Variants in CCSER1 observed in about 807,000 individuals in gnomAD.
CCSER1 encodes the protein serine-rich coiled-coil domain-containing protein 1.
A neutral mutation model predicts 82.0 loss-of-function variants in CCSER1; 41 were observed. That is an observed-to-expected ratio of 0.50 (90% CI 0.39 to 0.65). The LOEUF (loss-of-function observed/expected upper bound fraction) is 0.65. CCSER1 is among the 30% of genes least tolerant of loss of function. CCSER1 has a pLI of 0.00. For missense variants in CCSER1, 1,119 were observed against 1,064.2 expected (o/e 1.05, Z -0.72); for synonymous variants, 414 against 383.9 (o/e 1.08, Z -0.92).
intron 5 of CCSER1, among the ~76,000 whole-genome samples, chr4:90,486,329 A>T (rs2153601612): frequency 6.6e-6 from 1 of 152,330 alleles, no homozygotes; most frequent in East Asian, 1.9e-4. Context: ...GTTCCATTAA[A>T]GTCCTGACAT....
intron 1 of CCSER1, among the ~76,000 whole-genome samples, chr4:90,157,797 A>G (rs1484785355): frequency 6.6e-6 from 1 of 152,138 alleles, no homozygotes; most frequent in Non-Finnish European, 1.5e-5. Context: ...CGAAGTTTTT[A>G]ACTTCTTTGC....
chr4:90,999,609 T>G (rs1301197054), intron 9 of CCSER1, among the ~76,000 whole-genome samples: 1 of 152,016 alleles, frequency 6.6e-6, no homozygotes. Flanking sequence ...TGTTTAAGTT[T>G]CTTACAGATT....
intron 5 of CCSER1, among the ~76,000 whole-genome samples, chr4:90,474,159 A>T (rs1233500918): frequency 6.7e-6 from 1 of 148,766 alleles, no homozygotes; most frequent in East Asian, 2.0e-4. Context: ...AAAAAAATGC[A>T]AAAGTGTAGC....
At chr4:90,154,909 A>C (rs1578220180) in intron 1 of CCSER1, among the ~76,000 whole-genome samples, 1 of 152,008 alleles carries the variant, frequency 6.6e-6, no homozygotes, top group East Asian at 1.9e-4. Context: ...AGAACTTCCA[A>C]CACTATGTTG....
intron 10 of CCSER1, among the ~76,000 whole-genome samples, chr4:91,267,782 C>G (rs1741717321): frequency 6.6e-6 from 1 of 152,166 alleles, no homozygotes; most frequent in Non-Finnish European, 1.5e-5. Context: ...GAACTGATTG[C>G]CTTTGGCTGT....
chr4:91,458,667 T>A (rs1308858406), intron 10 of CCSER1, among the ~76,000 whole-genome samples: 1 of 152,204 alleles, frequency 6.6e-6, no homozygotes, highest in African/African-American at 2.4e-5. Flanking sequence ...TTCCATTTCT[T>A]GTCCTCTTCA....
chr4:90,544,061 C>T (rs78862967), intron 5 of CCSER1, among the ~76,000 whole-genome samples: 410 of 152,188 alleles, frequency 2.7e-3, no homozygotes, highest in African/African-American at 9.5e-3. Flanking sequence ...GTTCCCTGAG[C>T]CCCAATTCCC....
chr4:90,230,983 C>G (rs1239006015), intron 1 of CCSER1, among the ~76,000 whole-genome samples: 6 of 151,886 alleles, frequency 4.0e-5, no homozygotes, highest in Admixed American at 3.3e-4. Flanking sequence ...ATAAACAATA[C>G]CTTACCAACC....
intron 10 of CCSER1, among the ~76,000 whole-genome samples, chr4:91,472,296 T>C (rs537135078): frequency 6.6e-6 from 1 of 152,270 alleles, no homozygotes; most frequent in Non-Finnish European, 1.5e-5. Flanking sequence ...TGTAAAACAA[T>C]TAAAATTGTC....
chr4:90,183,669 T>C (rs1052505922), intron 1 of CCSER1, among the ~76,000 whole-genome samples: 1 of 152,172 alleles, frequency 6.6e-6, no homozygotes, highest in African/African-American at 2.4e-5. Flanking sequence ...TTGAGCTTTT[T>C]CTCTGACTAG....
At chr4:91,332,602 A>C (rs950536378) in intron 10 of CCSER1, among the ~76,000 whole-genome samples, 15 of 151,890 alleles carry the variant, frequency 9.9e-5, no homozygotes, top group African/African-American at 3.4e-4. Context: ...AACTTACCTC[A>C]GTTGTAAGGA....
chr4:90,561,896 G>C (rs1373507934), intron 5 of CCSER1, among the ~76,000 whole-genome samples: 1 of 152,050 alleles, frequency 6.6e-6, no homozygotes, highest in Non-Finnish European at 1.5e-5. Flanking sequence ...TGACTGTAAA[G>C]ATAAATTTAG....
intron 10 of CCSER1, among the ~76,000 whole-genome samples, chr4:91,408,355 A>G (rs576989258): frequency 6.6e-6 from 1 of 152,344 alleles, no homozygotes; most frequent in East Asian, 1.9e-4. Context: ...CTCTACTATC[A>G]ATTGTACAAG....
At chr4:91,535,054 G>T (rs911835839) in intron 10 of CCSER1, among the ~76,000 whole-genome samples, 1 of 151,686 alleles carries the variant, frequency 6.6e-6, no homozygotes. Context: ...TGTTACATGT[G>T]TAAGTATAAA....
intron 1 of CCSER1, among the ~76,000 whole-genome samples, chr4:90,266,717 A>C (rs1477367998): frequency 6.6e-6 from 1 of 152,042 alleles, no homozygotes; most frequent in Non-Finnish European, 1.5e-5. Flanking sequence ...GCTGGTACCC[A>C]TGGAGGGAGC....
chr4:91,597,604 A>G lies in CCSER1; in HGVS notation c.2218-968A>G, dbSNP rs370342132. ...TTTGTTTGGTTTGATATTATGCCAA[A>G]TTAGTAATATTAATATAAGTAATAT... On this transcript the variant is annotated intron_variant, in intron 10 of 10. Coordinates refer to ENST00000509176, the MANE Select transcript of CCSER1 (RefSeq NM_001145065.2). Among the ~76,000 whole-genome samples, 254 of 152,256 alleles carry G rather than the reference A, an allele frequency of 1.7e-3. 2 individuals carry two copies. Among genetic ancestry groups the G allele is most frequent in the African/African-American group, 5.8e-3 (243 of 41,572 alleles).
chr4:91,565,026 TTGTGTGTGTG>T (rs56723869), intron 10 of CCSER1, among the ~76,000 whole-genome samples: 7,660 of 130,996 alleles, frequency 0.058, 237 homozygotes, highest in African/African-American at 0.074. Flanking sequence ...GCACCTTGAG[TTGTGTGTGTG>T]TGTGTGTGTG....
chr4:91,527,135 C>T (rs1760807772), intron 10 of CCSER1, among the ~76,000 whole-genome samples: 1 of 152,116 alleles, frequency 6.6e-6, no homozygotes, highest in African/African-American at 2.4e-5. Context: ...ATTAACAGAT[C>T]TTTAAAGAGA....
At chr4:91,114,198 C>T (rs1264577114) in intron 10 of CCSER1, among the ~76,000 whole-genome samples, 1 of 152,130 alleles carries the variant, frequency 6.6e-6, no homozygotes, top group Non-Finnish European at 1.5e-5. Flanking sequence ...TGGACATATC[C>T]ATGAAATACA....
Sources: gnomAD v4.1 joint callset for allele counts (sites outside exome capture counted in the v4.1 genomes callset) on GRCh38, gnomAD v4.1.1 for gene constraint, MANE v1.5 for transcripts, NCBI Gene and HGNC (gene_info 2026-07-23, HGNC 2026-07-21) for gene names.